The following MAP3K5 variants were observed in gnomAD, a reference collection of about 807,000 sequenced individuals.
The protein encoded by MAP3K5 is mitogen-activated protein kinase kinase kinase 5.
A neutral mutation model predicts 158.7 loss-of-function variants in MAP3K5; 56 were observed. The ratio of observed to expected loss-of-function variants is 0.35; its 90% CI spans 0.28 to 0.44. The LOEUF (loss-of-function observed/expected upper bound fraction) is 0.44, where lower values mean the gene tolerates loss of function less well. MAP3K5 is among the 20% of genes least tolerant of loss of function. The pLI is 1.00. For synonymous variants in MAP3K5, 579 were observed against 601.7 expected, an observed-to-expected ratio of 0.96 and a Z score of 0.55; for missense variants, 1,294 against 1,674.8, an observed-to-expected ratio of 0.77 and a Z score of 3.97.
intron 10 of MAP3K5, among the ~76,000 whole-genome samples, chr6:136,652,406 T>TA (rs1778559403): frequency 6.6e-6 from 1 of 152,150 alleles, no homozygotes; most frequent in South Asian, 2.1e-4. Flanking sequence ...TAAGTGAACA[T>TA]ATTCTGACTC....
intron 26 of MAP3K5, among the ~76,000 whole-genome samples, chr6:136,564,798 C>G (rs1294369238): frequency 6.6e-6 from 1 of 152,128 alleles, no homozygotes; most frequent in Non-Finnish European, 1.5e-5. Flanking sequence ...GATTGAAAAC[C>G]TAACTTAGGA....
chr6:136,756,086 C>G (rs892509441), intron 1 of MAP3K5, among the ~76,000 whole-genome samples: 1 of 151,642 alleles, frequency 6.6e-6, no homozygotes, highest in Non-Finnish European at 1.5e-5. Flanking sequence ...ATGGGCAGAT[C>G]GCTTGAGCCC....
At chr6:136,665,794 T>C (rs1399280301) in intron 8 of MAP3K5, among the ~76,000 whole-genome samples, 2 of 152,244 alleles carry the variant, frequency 1.3e-5, no homozygotes, top group Admixed American at 6.5e-5. Context: ...TGGTTGGTGA[T>C]AGATTTTGTT....
At chr6:136,610,969 G>A (rs1418744402) in intron 18 of MAP3K5, among the ~76,000 whole-genome samples, 2 of 151,666 alleles carry the variant, frequency 1.3e-5, no homozygotes, top group African/African-American at 2.4e-5. Flanking sequence ...TTAGCTGGGC[G>A]TGGTGGCGCA....
intron 18 of MAP3K5, among the ~76,000 whole-genome samples, chr6:136,606,478 T>C (rs1776106208): frequency 6.6e-6 from 1 of 152,210 alleles, no homozygotes; most frequent in Admixed American, 6.5e-5. Flanking sequence ...GCCCTTAGTC[T>C]GCTTCTGGCC....
chr6:136,568,306 T>C (rs568515581), intron 25 of MAP3K5, among the ~76,000 whole-genome samples: 1 of 152,378 alleles, frequency 6.6e-6, no homozygotes, highest in South Asian at 2.1e-4. Flanking sequence ...AAGTGAGCTA[T>C]ACAGAGATTA....
At chr6:136,700,909 C>T (rs1780826602) in intron 3 of MAP3K5, among the ~76,000 whole-genome samples, 1 of 152,156 alleles carries the variant, frequency 6.6e-6, no homozygotes, top group African/African-American at 2.4e-5. Context: ...TTATCCATTC[C>T]TAGCCATATG....
Position 136,561,628 on chromosome 6 carries a change from C to T in MAP3K5, c.3892G>A (p.Val1298Ile), listed in dbSNP as rs374573186. The T allele has an allele frequency of 1.9e-6, 3 of 1,605,060 alleles. No individual in the cohort carries two copies. Among genetic ancestry groups the T allele is most frequent in the Non-Finnish European group, 2.6e-6 (3 of 1,171,880 alleles). ...GTGCCAGAAGAATTTAGATGAAATACAGGCAATTCAGGAATTTCTAGAACA... is the reference window on the plus strand; with the variant it reads ...GTGCCAGAAGAATTTAGATGAAATATAGGCAATTCAGGAATTTCTAGAACA... ...SQPIEIPELP[V>I]FHLNSSGTNT... The change falls in exon 28 of 30, where the codon GTA becomes ATA. Residue 1298 changes from valine (V) to isoleucine (I), a missense_variant. Physicochemically the swap from Val to Ile is conservative, Grantham distance 29 (BLOSUM62 3). Around this residue, in one of 5 missense-constraint regions of MAP3K5, gnomAD observed 199 missense variants for 220.3 expected, o/e 0.90. Transcript: ENST00000359015.
At chr6:136,574,931 C>T (rs1421667986) in intron 25 of MAP3K5, among the ~76,000 whole-genome samples, 4 of 151,662 alleles carry the variant, frequency 2.6e-5, no homozygotes, top group Admixed American at 6.6e-5. Context: ...CCTCGTGATC[C>T]GCCCGCCTCG....
chr6:136,605,710 T>C (rs959499483), intron 18 of MAP3K5, among the ~76,000 whole-genome samples: 1 of 152,214 alleles, frequency 6.6e-6, no homozygotes, highest in Non-Finnish European at 1.5e-5. Context: ...ATAACATCAG[T>C]ACACATTTCT....
intron 7 of MAP3K5, among the ~76,000 whole-genome samples, chr6:136,674,538 A>G (rs996512529): frequency 6.6e-6 from 1 of 152,036 alleles, no homozygotes; most frequent in Non-Finnish European, 1.5e-5. Flanking sequence ...GACTAAAAGA[A>G]CAAAAAACAT....
chr6:136,757,878 C>G (rs2114954350), intron 1 of MAP3K5, among the ~76,000 whole-genome samples: 1 of 152,194 alleles, frequency 6.6e-6, no homozygotes, highest in East Asian at 1.9e-4. Context: ...GCCACTGTGC[C>G]CAGCCTCATT....
intron 1 of MAP3K5, among the ~76,000 whole-genome samples, chr6:136,784,697 G>A (rs966355377): frequency 1.3e-5 from 2 of 152,128 alleles, no homozygotes; most frequent in African/African-American, 2.4e-5. Flanking sequence ...CTGTTGACTG[G>A]TGTGATAAAG....
chr6:136,743,285 C>T (rs1782791069), intron 1 of MAP3K5, among the ~76,000 whole-genome samples: 1 of 152,048 alleles, frequency 6.6e-6, no homozygotes. Flanking sequence ...CCCGTGTCTA[C>T]TAAAAATACA....
chr6:136,697,155 T>A, intron 5 of MAP3K5, 64 bp downstream of exon 5: 2 of 1,427,994 alleles, frequency 1.4e-6, no homozygotes, highest in Non-Finnish European at 1.9e-6. Flanking sequence ...AAATTTGAGG[T>A]TAATACTCCC....
chr6:136,789,125 G>A lies in MAP3K5; in HGVS notation c.448+2585C>T, dbSNP rs143905898. Reference sequence around the variant, plus strand: ...TGTCTGGGCAACATAGCAAGACCCCGTCTCTACAAAAAAAACATAGTAAAA... The same window carrying A: ...TGTCTGGGCAACATAGCAAGACCCCATCTCTACAAAAAAAACATAGTAAAA... On this transcript the variant is annotated intron_variant, in intron 1 of 29. Transcript: ENST00000359015. 2.4e-3 allele frequency among the ~76,000 whole-genome samples: 366 copies of A among 152,050 alleles called. 8 individuals carry two copies. The highest frequency in any genetic ancestry group is 2.0e-3 in the Non-Finnish European group (137 of 67,980).
At chr6:136,720,883 G>T (rs1306102147) in intron 1 of MAP3K5, among the ~76,000 whole-genome samples, 5 of 152,098 alleles carry the variant, frequency 3.3e-5, no homozygotes, top group African/African-American at 1.2e-4. Context: ...AGGCTCAAAT[G>T]ATCCTCCCAC....
intron 1 of MAP3K5, among the ~76,000 whole-genome samples, chr6:136,776,721 T>C (rs918270690): frequency 6.6e-6 from 1 of 152,228 alleles, no homozygotes; most frequent in African/African-American, 2.4e-5. Context: ...CTGTTGCCCT[T>C]TATTTGAATA....
At chr6:136,674,071 C>T (rs78736232) in intron 7 of MAP3K5, among the ~76,000 whole-genome samples, 2 of 151,728 alleles carry the variant, frequency 1.3e-5, no homozygotes, top group East Asian at 1.9e-4. Context: ...TAGACTTTGC[C>T]GTACAAACTA....
Sources: allele counts gnomAD v4.1 joint callset (sites outside exome capture counted in the v4.1 genomes callset), GRCh38; gene constraint gnomAD v4.1.1; regional missense constraint gnomAD v4.1.1; transcripts MANE v1.5; gene names NCBI Gene and HGNC (gene_info 2026-07-23, HGNC 2026-07-21).